Variants in SLC39A14 observed in about 807,000 individuals in gnomAD.
The protein encoded by SLC39A14 is solute carrier family 39 member 14.
In SLC39A14, 19 loss-of-function variants were observed where a neutral mutation model predicts 45.5. The ratio of observed to expected loss-of-function variants is 0.42; its 90% CI spans 0.29 to 0.61. The LOEUF (loss-of-function observed/expected upper bound fraction) is 0.61, where lower values mean the gene tolerates loss of function less well. Ranked by LOEUF, SLC39A14 falls within the 20% of genes least tolerant of loss-of-function variation. The probability of loss-of-function intolerance (pLI) is 0.22; values close to 1 mark genes in which losing one functional copy is unlikely to be tolerated. For synonymous variants in SLC39A14, 264 were observed against 251.3 expected (o/e 1.05, Z -0.48); for missense variants, 447 against 616.5 (o/e 0.73, Z 2.91).
intron 1 of SLC39A14, among the ~76,000 whole-genome samples, chr8:22,387,088 G>A (rs945060440): frequency 6.6e-6 from 1 of 151,614 alleles, no homozygotes; most frequent in African/African-American, 2.4e-5. Context: ...TGGGAGGATC[G>A]CTTGGGTCCG....
chr8:22,395,750 G>A (rs1834348389), intron 1 of SLC39A14, among the ~76,000 whole-genome samples: 1 of 152,196 alleles, frequency 6.6e-6, no homozygotes, highest in Non-Finnish European at 1.5e-5. Flanking sequence ...GAGCAGTGGT[G>A]AGGAACAGCT....
intron 1 of SLC39A14, among the ~76,000 whole-genome samples, chr8:22,395,267 G>A (rs1834321438): frequency 6.6e-6 from 1 of 152,176 alleles, no homozygotes; most frequent in East Asian, 1.9e-4. Context: ...CACCCAGCCA[G>A]GAAAATCTTG....
chr8:22,384,086 G>A (rs1029141864), intron 1 of SLC39A14, among the ~76,000 whole-genome samples: 1 of 152,100 alleles, frequency 6.6e-6, no homozygotes, highest in African/African-American at 2.4e-5. Flanking sequence ...AGAAGCCTTG[G>A]CCGTGGGTGA....
chr8:22,390,596 T>G (rs1414904327), intron 1 of SLC39A14: 1 of 159,592 alleles, frequency 6.3e-6, no homozygotes, highest in Non-Finnish European at 1.4e-5. Flanking sequence ...CCACCGTGCC[T>G]GGCCTACAAC....
chr8:22,428,441 C>CTTTTTT (rs59846887), intron 8 of SLC39A14, among the ~76,000 whole-genome samples: 4 of 116,406 alleles, frequency 3.4e-5, no homozygotes, highest in Non-Finnish European at 7.0e-5. Flanking sequence ...TTCATATGTT[C>CTTTTTT]TTTTTTTTTT....
At chr8:22,428,151 G>T (rs149866818) in intron 8 of SLC39A14, among the ~76,000 whole-genome samples, 2,225 of 151,910 alleles carry the variant, frequency 0.015, 38 homozygotes, top group Middle Eastern at 0.048. Context: ...TACAAAATTA[G>T]CTGGGTGTGG....
At chr8:22,402,107 C>T (rs1053137982) in intron 1 of SLC39A14, among the ~76,000 whole-genome samples, 9 of 152,042 alleles carry the variant, frequency 5.9e-5, no homozygotes, top group South Asian at 2.1e-4. Context: ...ATAGGCTGGG[C>T]GCAGTAGCTC....
chr8:22,409,849 C>G, intron 3 of SLC39A14: 1 of 1,255,110 alleles, frequency 8.0e-7, no homozygotes. Context: ...CTCAGTCTGC[C>G]CCATCACACC....
chr8:22,379,021 G>C (rs1833358165), intron 1 of SLC39A14, among the ~76,000 whole-genome samples: 1 of 152,180 alleles, frequency 6.6e-6, no homozygotes, highest in South Asian at 2.1e-4. Context: ...TACTCCTTCT[G>C]ACAGCTCTAG....
chr8:22,397,208 T>C (rs567762771), intron 1 of SLC39A14, among the ~76,000 whole-genome samples: 4 of 152,308 alleles, frequency 2.6e-5, no homozygotes, highest in African/African-American at 4.8e-5. Context: ...GGCCCTTCCA[T>C]TGCCAGGCAG....
chr8:22,376,334 A>ATTTTTTTTTTT (rs778041310), intron 1 of SLC39A14, among the ~76,000 whole-genome samples: 4 of 122,424 alleles, frequency 3.3e-5, no homozygotes, highest in African/African-American at 6.2e-5. Context: ...ACCACACCTA[A>ATTTTTTTTTTT]TTTTTTTTTT....
At chr8:22,397,462 C>T (rs12674842) in intron 1 of SLC39A14, among the ~76,000 whole-genome samples, 35,589 of 151,850 alleles carry the variant, frequency 0.23, 5,224 homozygotes, top group East Asian at 0.49. Context: ...CCTGTAGTCC[C>T]AGCTACTCGG....
intron 1 of SLC39A14, among the ~76,000 whole-genome samples, chr8:22,380,036 C>G (rs1044610148): frequency 1.3e-5 from 2 of 151,786 alleles, no homozygotes; most frequent in African/African-American, 4.8e-5. Context: ...ATACCATTTA[C>G]ATTGTATTCA....
downstream of SLC39A14, among the ~76,000 whole-genome samples, chr8:22,424,585 G>A (rs760020072): frequency 1.2e-4 from 19 of 152,100 alleles, no homozygotes; most frequent in Non-Finnish European, 1.6e-4. Context: ...AGTCCCTCCT[G>A]CCTTTCCAGG....
downstream of SLC39A14, among the ~76,000 whole-genome samples, chr8:22,423,344 T>TG (rs1423126407): frequency 2.0e-5 from 3 of 151,050 alleles, no homozygotes; most frequent in Admixed American, 6.6e-5. Flanking sequence ...TGTTTTGTTT[T>TG]TTTTTTTTTG....
intron 3 of SLC39A14, chr8:22,410,230 G>C (rs943321788): frequency 1.9e-6 from 2 of 1,071,646 alleles, no homozygotes; most frequent in African/African-American, 3.1e-5. Context: ...CCTGAGAAAT[G>C]AACCTGTCCC....
chr8:22,392,421 C>T (rs1178423737), intron 1 of SLC39A14, among the ~76,000 whole-genome samples: 2 of 152,150 alleles, frequency 1.3e-5, no homozygotes, highest in Non-Finnish European at 2.9e-5. Flanking sequence ...GATTTGGCCA[C>T]TAGATCATTC....
intron 1 of SLC39A14, chr8:22,393,288 G>C (rs928006842): frequency 1.0e-6 from 1 of 962,606 alleles, no homozygotes. Flanking sequence ...AGAATGGGCC[G>C]ATTAAGCCCC....
chr8:22,389,506 G>A (rs1218523581), intron 1 of SLC39A14, among the ~76,000 whole-genome samples: 2 of 152,056 alleles, frequency 1.3e-5, no homozygotes, highest in African/African-American at 4.8e-5. Context: ...TGCAGGCCCA[G>A]CAGTGGGGTT....
Sources: gnomAD v4.1 joint callset for allele counts (sites outside exome capture counted in the v4.1 genomes callset) on GRCh38, gnomAD v4.1.1 for gene constraint, MANE v1.5 for transcripts, NCBI Gene and HGNC (gene_info 2026-07-23, HGNC 2026-07-21) for gene names.